CDH13: variants seen among roughly 807,000 people sequenced by gnomAD.
The protein encoded by CDH13 is cadherin 13, also known as cadherin-13.
Under a neutral mutation model 63.8 loss-of-function variants are expected in CDH13, and 24 were observed. The observed-to-expected ratio is 0.38, with a 90% CI of 0.27 to 0.53. The LOEUF is 0.53. Among genes scored for constraint, CDH13 ranks in the 20% least tolerant of loss-of-function variants. The probability of loss-of-function intolerance (pLI) is 0.85; values close to 1 mark genes in which losing one functional copy is unlikely to be tolerated. For missense variants in CDH13, 1,049 were observed against 903.1 expected (o/e 1.16, Z -2.07); for synonymous variants, 503 against 355.3 (o/e 1.42, Z -4.67).
At chr16:82,961,997 C>G (rs140680527) in intron 2 of CDH13, among the ~76,000 whole-genome samples, 47 of 152,226 alleles carry the variant, frequency 3.1e-4, no homozygotes, top group African/African-American at 8.2e-4. Flanking sequence ...ACACCAGTTA[C>G]CTGGATGTAA....
At chr16:82,689,235 G>A (rs1003799535) in intron 1 of CDH13, among the ~76,000 whole-genome samples, 1 of 151,452 alleles carries the variant, frequency 6.6e-6, no homozygotes, top group Non-Finnish European at 1.5e-5. Context: ...GTAGGATGCA[G>A]AAAATATCTG....
At chr16:83,708,692 C>G (rs4782834) in intron 10 of CDH13, among the ~76,000 whole-genome samples, 25,488 of 152,126 alleles carry the variant, frequency 0.17, 2,282 homozygotes, top group East Asian at 0.3. Flanking sequence ...GACCTTAGAT[C>G]ATCAGGATAC....
chr16:82,686,535 GAAC>G (rs1175456938), intron 1 of CDH13, among the ~76,000 whole-genome samples: 2 of 152,338 alleles, frequency 1.3e-5, no homozygotes, highest in East Asian at 1.9e-4. Flanking sequence ...ATATGCCAGA[GAAC>G]AACGAGGCCA....
intron 7 of CDH13, among the ~76,000 whole-genome samples, chr16:83,583,306 A>G (rs1905811322): frequency 6.6e-6 from 1 of 152,198 alleles, no homozygotes; most frequent in Non-Finnish European, 1.5e-5. Flanking sequence ...ATTCGCAGGT[A>G]CTGGGGGTTA....
intron 11 of CDH13, among the ~76,000 whole-genome samples, chr16:83,750,581 T>G (rs1912999904): frequency 6.6e-6 from 1 of 152,186 alleles, no homozygotes; most frequent in Non-Finnish European, 1.5e-5. Flanking sequence ...AGGTGGGCCC[T>G]GATCCAATAT....
intron 6 of CDH13, among the ~76,000 whole-genome samples, chr16:83,485,668 A>G (rs2073870017): frequency 6.6e-6 from 1 of 152,030 alleles, no homozygotes; most frequent in Non-Finnish European, 1.5e-5. Context: ...CAGACTAGAT[A>G]AGGTTGTTCA....
At chr16:82,871,752 A>G (rs999456332) in intron 2 of CDH13, among the ~76,000 whole-genome samples, 1 of 152,194 alleles carries the variant, frequency 6.6e-6, no homozygotes, top group Non-Finnish European at 1.5e-5. Flanking sequence ...ACTTGGATCT[A>G]GATGCATTAA....
intron 10 of CDH13, among the ~76,000 whole-genome samples, chr16:83,697,397 C>A (rs997698886): frequency 1.3e-5 from 2 of 152,162 alleles, no homozygotes; most frequent in African/African-American, 4.8e-5. Context: ...GAGCACAGTG[C>A]GGAAGTGCTG....
intron 1 of CDH13, among the ~76,000 whole-genome samples, chr16:82,678,050 G>C (rs527595570): frequency 6.6e-6 from 1 of 152,098 alleles, no homozygotes; most frequent in Non-Finnish European, 1.5e-5. Flanking sequence ...CAGAAGGCTT[G>C]CATAAAAAAT....
intron 1 of CDH13, among the ~76,000 whole-genome samples, chr16:82,777,908 C>T (rs1442317565): frequency 1.3e-5 from 2 of 152,154 alleles, no homozygotes; most frequent in Non-Finnish European, 2.9e-5. Context: ...AACAGGACAA[C>T]TTGATTCGTC....
intron 6 of CDH13, among the ~76,000 whole-genome samples, chr16:83,414,721 C>G (rs1485421182): frequency 6.6e-6 from 1 of 152,190 alleles, no homozygotes; most frequent in East Asian, 1.9e-4. Context: ...CTTCAAGATT[C>G]ATCCATGTTG....
At chr16:83,501,765 G>T (rs1036037206) in intron 7 of CDH13, among the ~76,000 whole-genome samples, 24 of 152,176 alleles carry the variant, frequency 1.6e-4, no homozygotes, top group African/African-American at 5.6e-4. Context: ...TTAAAGAAAA[G>T]CACGGGACAT....
intron 1 of CDH13, among the ~76,000 whole-genome samples, chr16:82,838,115 C>A (rs1364902616): frequency 6.6e-6 from 1 of 152,222 alleles, no homozygotes; most frequent in Non-Finnish European, 1.5e-5. Context: ...GCAGCTGCCT[C>A]TGTTTTGAAA....
chr16:83,097,131 T>C (rs2034246141), intron 3 of CDH13, among the ~76,000 whole-genome samples: 1 of 152,196 alleles, frequency 6.6e-6, no homozygotes, highest in Non-Finnish European at 1.5e-5. Context: ...CAAAATTTGA[T>C]ATCACCATAA....
At chr16:82,645,166 C>T (rs1029191224) in intron 1 of CDH13, among the ~76,000 whole-genome samples, 46 of 152,070 alleles carry the variant, frequency 3.0e-4, no homozygotes, top group African/African-American at 1.0e-3. Flanking sequence ...GTACGGGCTT[C>T]GACGGGGCCC....
intron 1 of CDH13, among the ~76,000 whole-genome samples, chr16:82,711,781 A>G (rs1386530594): frequency 6.6e-6 from 1 of 152,218 alleles, no homozygotes; most frequent in Non-Finnish European, 1.5e-5. Context: ...CCACGGTGAT[A>G]AGGACAACCG....
At chr16:83,669,660 G>A (rs1213271529) in intron 8 of CDH13, among the ~76,000 whole-genome samples, 2 of 152,144 alleles carry the variant, frequency 1.3e-5, no homozygotes, top group African/African-American at 4.8e-5. Context: ...TCCCCTGAGA[G>A]GCCTCAGGAT....
At chr16:82,679,439 A>C (rs1914301528) in intron 1 of CDH13, among the ~76,000 whole-genome samples, 1 of 152,226 alleles carries the variant, frequency 6.6e-6, no homozygotes, top group Non-Finnish European at 1.5e-5. Context: ...TTTACCTCCT[A>C]CTAAAATGGC....
chr16:82,832,427 T>C (rs1382636223), intron 1 of CDH13, among the ~76,000 whole-genome samples: 1 of 152,162 alleles, frequency 6.6e-6, no homozygotes, highest in African/African-American at 2.4e-5. Context: ...TCATCTCTTC[T>C]TCCTCCTCCT....
Sources: allele counts gnomAD v4.1 joint callset (sites outside exome capture counted in the v4.1 genomes callset), GRCh38; gene constraint gnomAD v4.1.1; transcripts MANE v1.5; gene names NCBI Gene and HGNC (gene_info 2026-07-23, HGNC 2026-07-21).